Variants in PRDM1 observed in about 807,000 individuals in gnomAD.
PRDM1 encodes PR/SET domain 1, also known as PR domain zinc finger protein 1.
In PRDM1, 13 loss-of-function variants were observed where a neutral mutation model predicts 62.8. The observed-to-expected ratio is 0.21, with a 90% CI of 0.13 to 0.33. The LOEUF (loss-of-function observed/expected upper bound fraction) is 0.33. Among genes scored for constraint, PRDM1 ranks in the 10% least tolerant of loss-of-function variants. The probability of loss-of-function intolerance (pLI) is 1.00; values close to 1 mark genes in which losing one functional copy is unlikely to be tolerated. For synonymous variants in PRDM1, 396 were observed against 417.6 expected (o/e 0.95, Z 0.63); for missense variants, 895 against 1,058.8 (o/e 0.85, Z 2.15).
intron 1 of PRDM1, among the ~76,000 whole-genome samples, chr6:106,076,875 G>C (rs1773613010): frequency 1.3e-5 from 2 of 152,256 alleles, no homozygotes; most frequent in Admixed American, 1.3e-4. Flanking sequence ...TTCCGTGAAA[G>C]GGAGGAAGGC....
chr6:106,035,946 T>A (rs894026772), intron 1 of PRDM1, among the ~76,000 whole-genome samples: 8 of 152,178 alleles, frequency 5.3e-5, no homozygotes, highest in Admixed American at 2.0e-4. Flanking sequence ...AAAATTTTTT[T>A]AAATAGAGAC....
At chr6:106,024,542 CAT>C (rs1293604749) in intron 1 of PRDM1, among the ~76,000 whole-genome samples, 20 of 152,292 alleles carry the variant, frequency 1.3e-4, no homozygotes, top group Middle Eastern at 3.4e-3. Context: ...ATAAGACAGA[CAT>C]GTGATGTTTG....
At chr6:106,052,107 G>A (rs1028488026) in intron 1 of PRDM1, among the ~76,000 whole-genome samples, 80 of 152,230 alleles carry the variant, frequency 5.3e-4, no homozygotes, top group African/African-American at 1.9e-3. Flanking sequence ...GATGATGGTT[G>A]CCCCACAGTG....
intron 1 of PRDM1, among the ~76,000 whole-genome samples, chr6:106,011,255 ACTCT>A (rs1772544629): frequency 6.6e-6 from 1 of 151,876 alleles, no homozygotes; most frequent in East Asian, 1.9e-4. Context: ...AGCTAAGAAG[ACTCT>A]CTGAGGAACC....
In PRDM1 at chr6:106,105,504, C is replaced by T. The variant is rs764316750; in HGVS notation, c.1344C>T (p.Ser448=). ...GLFPRLCPVY[S]NLLGGGSLPH... is the part of the protein sequence containing the mutation. Reference sequence around the variant, plus strand: ...TCCCGAGGCTGTGCCCTGTCTACAGCAATCTCCTCGGTGGGGGCAGCCTGC... The same window carrying T: ...TCCCGAGGCTGTGCCCTGTCTACAGTAATCTCCTCGGTGGGGGCAGCCTGC... The change falls in exon 5 of 7, where the codon AGC becomes AGT. Residue 448 remains serine (S), a synonymous_variant. Coordinates refer to ENST00000369096, the MANE Select transcript of PRDM1 (RefSeq NM_001198.4). 1 of 1,614,076 alleles carries T rather than the reference C, an allele frequency of 6.2e-7. No homozygotes were observed. Among genetic ancestry groups the T allele is most frequent in the Non-Finnish European group, 8.5e-7 (1 of 1,180,006 alleles).
chr6:106,005,197 A>G (rs142994017), intron 1 of PRDM1, among the ~76,000 whole-genome samples: 1 of 152,372 alleles, frequency 6.6e-6, no homozygotes, highest in East Asian at 1.9e-4. Flanking sequence ...AGAATGTTCA[A>G]TTACCCCATT....
chr6:106,060,245 G>A (rs947801412), intron 1 of PRDM1, among the ~76,000 whole-genome samples: 2 of 152,206 alleles, frequency 1.3e-5, no homozygotes, highest in Non-Finnish European at 2.9e-5. Context: ...GAGGAAAACA[G>A]GAGAGTGGAA....
chr6:106,027,375 A>T (rs375398355), intron 1 of PRDM1, among the ~76,000 whole-genome samples: 1 of 152,244 alleles, frequency 6.6e-6, no homozygotes, highest in African/African-American at 2.4e-5. Flanking sequence ...TTCACCAAAG[A>T]TGTGCTCTTC....
At chr6:106,073,776 C>G (rs2114603368) in intron 1 of PRDM1, among the ~76,000 whole-genome samples, 2 of 152,326 alleles carry the variant, frequency 1.3e-5, no homozygotes, top group South Asian at 4.1e-4. Flanking sequence ...AGTATTGACA[C>G]AAATGCAGGT....
intron 1 of PRDM1, among the ~76,000 whole-genome samples, chr6:106,080,069 T>C (rs1424301451): frequency 1.3e-5 from 2 of 152,234 alleles, no homozygotes; most frequent in Non-Finnish European, 2.9e-5. Flanking sequence ...AATTGGCATT[T>C]AAAGCTCTGT....
At chr6:106,073,665 C>T (rs1389615748) in intron 1 of PRDM1, among the ~76,000 whole-genome samples, 1 of 152,112 alleles carries the variant, frequency 6.6e-6, no homozygotes, top group Non-Finnish European at 1.5e-5. Context: ...AAGATCACAA[C>T]TTAGTAAGTG....
chr6:106,090,538 C>A (rs986444688), intron 2 of PRDM1, among the ~76,000 whole-genome samples: 7 of 152,144 alleles, frequency 4.6e-5, no homozygotes, highest in African/African-American at 1.4e-4. Context: ...TGTTTTTGAA[C>A]TTTGGGAAAG....
intron 1 of PRDM1, among the ~76,000 whole-genome samples, chr6:106,000,243 A>G (rs1223580905): frequency 6.6e-6 from 1 of 152,212 alleles, no homozygotes; most frequent in Non-Finnish European, 1.5e-5. Flanking sequence ...CCTATCTCCA[A>G]GACATTTCAA....
chr6:106,013,076 G>A (rs977438125), intron 1 of PRDM1, among the ~76,000 whole-genome samples: 4 of 151,938 alleles, frequency 2.6e-5, no homozygotes, highest in Non-Finnish European at 5.9e-5. Flanking sequence ...CAATAGAGAC[G>A]GGGTTTCACC....
At position 106,106,792 on chromosome 6, in the gene PRDM1, G is replaced by A; in HGVS notation, c.1903-119G>A. On this transcript the variant is annotated intron_variant, in intron 6 of 6. Transcript: ENST00000369096. This position sits in a 1 kb window ranked among gnomAD's most constrained non-coding sequence, Gnocchi z 4.4. ...ACCACACTGGAGGTGCCACAAGGAG[G>A]CTTCTCACCTCCTAGGTTGCTGGGC... The A allele has an allele frequency of 8.5e-7, 1 of 1,174,170 alleles. No individual in the cohort carries two copies. The highest frequency in any genetic ancestry group is 2.4e-5 in the East Asian group (1 of 42,374). 72.7% of individuals were successfully genotyped at this position (1,174,170 alleles called of 1,614,324 possible).
At chr6:106,027,875 GGCTATT>G (rs1772787283) in intron 1 of PRDM1, among the ~76,000 whole-genome samples, 1 of 152,144 alleles carries the variant, frequency 6.6e-6, no homozygotes, top group Admixed American at 6.5e-5. Context: ...CTGGGTCTCA[GGCTATT>G]CCTACAGCTG....
At chr6:106,078,463 C>T (rs367790998) in intron 1 of PRDM1, 2 of 152,206 alleles carry the variant, frequency 1.3e-5, no homozygotes, top group African/African-American at 2.4e-5. Context: ...TGACTGCAAT[C>T]GCAGAGACTG....
chr6:106,099,910 C>A (rs1442757505), intron 4 of PRDM1, among the ~76,000 whole-genome samples: 2 of 152,222 alleles, frequency 1.3e-5, no homozygotes, highest in Non-Finnish European at 2.9e-5. Flanking sequence ...GGTACTTTGG[C>A]AGGGCTTAGA....
At chr6:106,023,676 T>C (rs1772728232) in intron 1 of PRDM1, among the ~76,000 whole-genome samples, 2 of 152,184 alleles carry the variant, frequency 1.3e-5, no homozygotes. Flanking sequence ...TAGAAAATCC[T>C]GTCCTTTGGA....
Sources: gnomAD v4.1 joint callset for allele counts (sites outside exome capture counted in the v4.1 genomes callset) on GRCh38, gnomAD v4.1.1 for gene constraint, Gnocchi (gnomAD v3.1) non-coding constraint, MANE v1.5 for transcripts, NCBI Gene and HGNC (gene_info 2026-07-23, HGNC 2026-07-21) for gene names.